Variants in CDK5RAP2 observed in about 807,000 individuals in gnomAD.
CDK5RAP2 encodes CDK5 regulatory subunit associated protein 2, also known as CDK5 regulatory subunit-associated protein 2.
Under a neutral mutation model 232.9 loss-of-function variants are expected in CDK5RAP2, and 147 were observed. The observed-to-expected ratio is 0.63, with a 90% CI of 0.55 to 0.72. The LOEUF (loss-of-function observed/expected upper bound fraction) is 0.72. Ranked by LOEUF, CDK5RAP2 falls within the 30% of genes least tolerant of loss-of-function variation. The pLI is 0.00. For missense variants in CDK5RAP2, 2,195 were observed against 2,231.5 expected (o/e 0.98, Z 0.33); for synonymous variants, 833 against 833.7 (o/e 1.00, Z 0.01).
intron 3 of CDK5RAP2, among the ~76,000 whole-genome samples, chr9:120,554,992 T>C (rs1588643579): frequency 6.6e-6 from 1 of 152,186 alleles, no homozygotes; most frequent in South Asian, 2.1e-4. Context: ...CAAAATCATG[T>C]ACTAAGACAT....
chr9:120,562,749 C>T (rs2042507412), intron 3 of CDK5RAP2, among the ~76,000 whole-genome samples: 1 of 151,982 alleles, frequency 6.6e-6, no homozygotes, highest in African/African-American at 2.4e-5. Flanking sequence ...TCCTCTCCAG[C>T]CACTTTAGTA....
At chr9:120,498,337 C>T (rs1022490576) in intron 12 of CDK5RAP2, among the ~76,000 whole-genome samples, 1 of 152,172 alleles carries the variant, frequency 6.6e-6, no homozygotes, top group African/African-American at 2.4e-5. Context: ...ATCACCCCAA[C>T]ATAAGAGAAA....
At chr9:120,549,017 C>T (rs775744369) in intron 4 of CDK5RAP2, among the ~76,000 whole-genome samples, 5 of 152,200 alleles carry the variant, frequency 3.3e-5, no homozygotes, top group South Asian at 2.1e-4. Flanking sequence ...ATTAGCCAGG[C>T]GTGCTGGCGT....
At chr9:120,407,938 T>C in intron 31 of CDK5RAP2, 1 of 288,180 alleles carries the variant, frequency 3.5e-6, no homozygotes, top group Non-Finnish European at 6.9e-6. Flanking sequence ...TAAAGGTCAT[T>C]TCCTGGGTGC....
intron 7 of CDK5RAP2, among the ~76,000 whole-genome samples, chr9:120,535,080 A>C (rs2041325808): frequency 6.6e-6 from 1 of 152,238 alleles, no homozygotes; most frequent in African/African-American, 2.4e-5. Context: ...GAGATGATAT[A>C]TATTCATTCC....
intron 12 of CDK5RAP2, among the ~76,000 whole-genome samples, chr9:120,507,422 T>C (rs2039865138): frequency 6.6e-6 from 1 of 152,214 alleles, no homozygotes; most frequent in East Asian, 1.9e-4. Context: ...AGAAGCAGGA[T>C]TTGAAACCAG....
chr9:120,397,071 C>T (rs7018870), intron 35 of CDK5RAP2, among the ~76,000 whole-genome samples: 2,934 of 152,326 alleles, frequency 0.019, 86 homozygotes, highest in African/African-American at 0.064. Flanking sequence ...ACCAGAAGAA[C>T]CCTTCCTGAG....
chr9:120,519,388 T>A (rs2040516817), intron 11 of CDK5RAP2, among the ~76,000 whole-genome samples: 2 of 151,982 alleles, frequency 1.3e-5, no homozygotes, highest in Admixed American at 1.3e-4. Context: ...TTTGAAAATG[T>A]GAAAGTTGTC....
At chr9:120,497,252 T>C (rs2039333716) in intron 12 of CDK5RAP2, among the ~76,000 whole-genome samples, 1 of 130,432 alleles carries the variant, frequency 7.7e-6, no homozygotes, top group Non-Finnish European at 1.5e-5. Flanking sequence ...TAATCTCAAG[T>C]AATCAGGGAC....
intron 25 of CDK5RAP2, among the ~76,000 whole-genome samples, chr9:120,434,992 T>C (rs140504475): frequency 1.3e-5 from 2 of 152,300 alleles, no homozygotes; most frequent in Non-Finnish European, 2.9e-5. Context: ...CAGTTTTGAC[T>C]CTGGAATCAT....
At chr9:120,556,185 A>C (rs1162914601) in intron 3 of CDK5RAP2, among the ~76,000 whole-genome samples, 1 of 152,232 alleles carries the variant, frequency 6.6e-6, no homozygotes, top group African/African-American at 2.4e-5. Flanking sequence ...TATAGATTAC[A>C]ATAGTGATTA....
intron 2 of CDK5RAP2, among the ~76,000 whole-genome samples, chr9:120,571,401 A>C (rs2042851254): frequency 6.6e-6 from 1 of 152,232 alleles, no homozygotes; most frequent in African/African-American, 2.4e-5. Flanking sequence ...TTAAGCATTC[A>C]CTTTTTTCAG....
At chr9:120,498,233 G>A (rs2039407530) in intron 12 of CDK5RAP2, among the ~76,000 whole-genome samples, 1 of 152,124 alleles carries the variant, frequency 6.6e-6, no homozygotes, top group African/African-American at 2.4e-5. Context: ...ACTTAGCGAT[G>A]GCCCCCTAGT....
intron 21 of CDK5RAP2, among the ~76,000 whole-genome samples, chr9:120,449,027 A>G (rs1210612944): frequency 1.3e-5 from 2 of 152,156 alleles, no homozygotes; most frequent in Non-Finnish European, 2.9e-5. Flanking sequence ...AAACTATTTT[A>G]ATTGCTTTCC....
chr9:120,555,417 C>T (rs1056630098), intron 3 of CDK5RAP2, among the ~76,000 whole-genome samples: 3 of 152,054 alleles, frequency 2.0e-5, no homozygotes, highest in South Asian at 4.1e-4. Context: ...GGATTACAGG[C>T]GTGAGCCACC....
At chr9:120,529,143 C>T (rs868687630) in intron 8 of CDK5RAP2, among the ~76,000 whole-genome samples, 2 of 152,326 alleles carry the variant, frequency 1.3e-5, no homozygotes, top group East Asian at 1.9e-4. Flanking sequence ...CAGATGAAAA[C>T]GAACTGGCAA....
chr9:120,465,299 A>C (rs1451117774), intron 18 of CDK5RAP2, among the ~76,000 whole-genome samples: 1 of 152,112 alleles, frequency 6.6e-6, no homozygotes, highest in Non-Finnish European at 1.5e-5. Context: ...TCACTCCTCT[A>C]TATCGATTTT....
intron 4 of CDK5RAP2, 106 bp from the exon 5 acceptor site, chr9:120,545,896 G>A (rs1403005602): frequency 5.8e-6 from 5 of 864,258 alleles, no homozygotes; most frequent in Non-Finnish European, 9.7e-6. Flanking sequence ...CAGGATGCTT[G>A]TAATAGGCAG....
At chr9:120,427,765 G>C (rs2035009388) in intron 25 of CDK5RAP2, among the ~76,000 whole-genome samples, 1 of 152,174 alleles carries the variant, frequency 6.6e-6, no homozygotes, top group African/African-American at 2.4e-5. Flanking sequence ...GGAAATGCAA[G>C]GCCTGGCCCA....
Sources: allele counts gnomAD v4.1 joint callset (sites outside exome capture counted in the v4.1 genomes callset), GRCh38; gene constraint gnomAD v4.1.1; transcripts MANE v1.5; gene names NCBI Gene and HGNC (gene_info 2026-07-23, HGNC 2026-07-21).